Variants in SMG6 observed in about 807,000 individuals in gnomAD.
SMG6 encodes telomerase-binding protein EST1A.
SMG6 carries 66 observed loss-of-function variants against 142.2 expected under a neutral mutation model. The observed-to-expected ratio is 0.46, with a 90% confidence interval of 0.38 to 0.57. The LOEUF (loss-of-function observed/expected upper bound fraction) is 0.57. Among genes scored for constraint, SMG6 ranks in the 20% least tolerant of loss-of-function variants. The pLI, the probability that SMG6 is intolerant of heterozygous loss-of-function variation, is 0.00. For synonymous variants in SMG6, 779 were observed against 702.4 expected (o/e 1.11, Z -1.72); for missense variants, 1,793 against 1,832.0 (o/e 0.98, Z 0.39).
chr17:2,088,001 A>G, intron 13 of SMG6: 2 of 985,842 alleles, frequency 2.0e-6, no homozygotes, highest in Non-Finnish European at 2.4e-6. Context: ...TCTTGGTGTG[A>G]GGCTGCTGCC....
chr17:2,298,076 CT>C, intron 2 of SMG6, 21 bp from the exon 3 acceptor site: 2 of 1,577,272 alleles, frequency 1.3e-6, no homozygotes, highest in African/African-American at 2.7e-5. Flanking sequence ...ATACATGCAA[CT>C]TCCAGCTCCA....
chr17:2,067,391 C>T (rs1483864950), intron 16 of SMG6, among the ~76,000 whole-genome samples: 2 of 152,176 alleles, frequency 1.3e-5, no homozygotes, highest in East Asian at 3.8e-4. Flanking sequence ...TCTTAGGGGG[C>T]TCCTGAGATG....
At chr17:2,296,613 C>T (rs1203911051) in intron 4 of SMG6, among the ~76,000 whole-genome samples, 1 of 152,174 alleles carries the variant, frequency 6.6e-6, no homozygotes, top group Non-Finnish European at 1.5e-5. Context: ...GGGACCTAGG[C>T]TATGCACTCC....
At position 2,154,323 on chromosome 17, in the gene SMG6, G is replaced by C. The variant is rs9916631; in HGVS notation, c.3357+18335C>G. Among the ~76,000 whole-genome samples the C allele has an allele frequency of 4.1e-5, 6 of 147,914 alleles. No individual in the cohort carries two copies. In the East Asian group the frequency reaches 6.2e-4, roughly 15 times the overall value. On this transcript the variant is annotated intron_variant, in intron 13 of 18. Transcript: ENST00000263073. ...GTGACTGGGAAACCTGGGGATGCATGTAGAGTGTGACGGTGACGGGGGGGA... is the reference window on the plus strand; with the variant it reads ...GTGACTGGGAAACCTGGGGATGCATCTAGAGTGTGACGGTGACGGGGGGGA...
Position 2,061,305 on chromosome 17 carries a change from G to T in SMG6, c.*187C>A. 1 of 610,852 alleles carries T rather than the reference G, an allele frequency of 1.6e-6. No homozygotes were observed. Among genetic ancestry groups the T allele is most frequent in the Non-Finnish European group, 2.8e-6 (1 of 359,454 alleles). The allele number at this position is 610,852 out of a possible 1,614,324, so 37.8% of individuals were successfully genotyped here. On this transcript the variant is annotated 3_prime_UTR_variant, in exon 19 of 19. Transcript: ENST00000263073. ...AGGAGGGTCCCAGCAGCTTCCGCCC[G>T]ATCCTTGGGAGGGGCTCTGTGAGGA...
At chr17:2,180,976 G>C (rs1225782395) in intron 12 of SMG6, among the ~76,000 whole-genome samples, 3 of 152,164 alleles carry the variant, frequency 2.0e-5, no homozygotes, top group Admixed American at 1.3e-4. Flanking sequence ...GCTCCCTTGG[G>C]AGCATTTCCA....
chr17:2,100,590 CTA>C (rs1463758881), intron 13 of SMG6, among the ~76,000 whole-genome samples: 1 of 152,168 alleles, frequency 6.6e-6, no homozygotes, highest in African/African-American at 2.4e-5. Context: ...ACATTTTATT[CTA>C]TGAGACAGGG....
chr17:2,169,679 G>A (rs1333463962), intron 13 of SMG6, among the ~76,000 whole-genome samples: 1 of 152,196 alleles, frequency 6.6e-6, no homozygotes, highest in Non-Finnish European at 1.5e-5. Context: ...AAGGACAGTA[G>A]GAGGACCTGA....
intron 2 of SMG6, 22 bp from the exon 3 acceptor site, chr17:2,298,077 T>G: frequency 6.3e-7 from 1 of 1,577,288 alleles, no homozygotes; most frequent in Non-Finnish European, 8.6e-7. Context: ...TACATGCAAC[T>G]TCCAGCTCCA....
At chr17:2,096,762 A>T (rs2068867235) in intron 13 of SMG6, among the ~76,000 whole-genome samples, 1 of 117,316 alleles carries the variant, frequency 8.5e-6, no homozygotes, top group Non-Finnish European at 1.6e-5. Context: ...GGCACACAAG[A>T]CAAGACAAGA....
chr17:2,285,281 G>A (rs746402584), intron 6 of SMG6, among the ~76,000 whole-genome samples: 2 of 152,142 alleles, frequency 1.3e-5, no homozygotes, highest in African/African-American at 2.4e-5. Context: ...CAGAATGACT[G>A]ACTGATTGGA....
chr17:2,146,750 G>T (rs1892866905), intron 13 of SMG6, among the ~76,000 whole-genome samples: 1 of 152,130 alleles, frequency 6.6e-6, no homozygotes, highest in South Asian at 2.1e-4. Flanking sequence ...ATTTTTAGTA[G>T]AAATTGGGTT....
chr17:2,144,420 G>A (rs902838776), intron 13 of SMG6, among the ~76,000 whole-genome samples: 1 of 151,940 alleles, frequency 6.6e-6, no homozygotes, highest in Admixed American at 6.6e-5. Context: ...TTTCCCGGGC[G>A]GGTCTGGAAC....
At chr17:2,064,119 CAA>C (rs1305772140) in intron 18 of SMG6, among the ~76,000 whole-genome samples, 1 of 152,046 alleles carries the variant, frequency 6.6e-6, no homozygotes, top group Non-Finnish European at 1.5e-5. Context: ...AGCCTGAACA[CAA>C]GGGCTAGAAA....
chr17:2,226,349 A>C (rs1454653835), intron 10 of SMG6, among the ~76,000 whole-genome samples: 3 of 151,884 alleles, frequency 2.0e-5, no homozygotes, highest in African/African-American at 7.3e-5. Context: ...GGGAGGCCAA[A>C]GTGGGTGGAT....
At chr17:2,166,517 G>A (rs1412000739) in intron 13 of SMG6, among the ~76,000 whole-genome samples, 1 of 152,178 alleles carries the variant, frequency 6.6e-6, no homozygotes, top group African/African-American at 2.4e-5. Context: ...GAGTATGGTG[G>A]CACAATCACA....
At chr17:2,134,327 C>T (rs2070219959) in intron 13 of SMG6, among the ~76,000 whole-genome samples, 1 of 135,234 alleles carries the variant, frequency 7.4e-6, no homozygotes, top group Non-Finnish European at 1.5e-5. Context: ...CCGAGGCAGG[C>T]GAATTGCTTG....
At chr17:2,287,840 G>C (rs2074941116) in intron 6 of SMG6, among the ~76,000 whole-genome samples, 1 of 152,190 alleles carries the variant, frequency 6.6e-6, no homozygotes, top group African/African-American at 2.4e-5. Flanking sequence ...GAGGTACCTA[G>C]AGTAGCCAAA....
chr17:2,138,825 A>G (rs1230794712), intron 13 of SMG6, among the ~76,000 whole-genome samples: 1 of 152,252 alleles, frequency 6.6e-6, no homozygotes, highest in African/African-American at 2.4e-5. Flanking sequence ...TGGGATCTAA[A>G]GCAATTAAGT....
Sources: gnomAD v4.1 joint callset for allele counts (sites outside exome capture counted in the v4.1 genomes callset) on GRCh38, gnomAD v4.1.1 for gene constraint, MANE v1.5 for transcripts, NCBI Gene and HGNC (gene_info 2026-07-23, HGNC 2026-07-21) for gene names.